Variants in ASIC2 observed in about 807,000 individuals in gnomAD.
ASIC2 encodes acid-sensing ion channel 2.
A neutral mutation model predicts 57.3 loss-of-function variants in ASIC2; 25 were observed. The observed-to-expected ratio is 0.44, with a 90% CI of 0.32 to 0.61. The LOEUF (loss-of-function observed/expected upper bound fraction) is 0.61. ASIC2 is among the 20% of genes least tolerant of loss of function. ASIC2 has a pLI of 0.06. For synonymous variants in ASIC2, 319 were observed against 307.5 expected (o/e 1.04, Z -0.39); for missense variants, 641 against 738.1 (o/e 0.87, Z 1.52).
At chr17:34,060,338 T>C (rs905824514) in intron 1 of ASIC2, among the ~76,000 whole-genome samples, 4 of 152,166 alleles carry the variant, frequency 2.6e-5, no homozygotes, top group African/African-American at 7.2e-5. Context: ...AAAAAGAATC[T>C]GAACAACAGC....
At chr17:34,001,934 A>T (rs73278423) in intron 1 of ASIC2, 1 of 152,166 alleles carries the variant, frequency 6.6e-6, no homozygotes, top group Non-Finnish European at 1.5e-5. Flanking sequence ...TTTTGTTGAC[A>T]TTACTTCTAT....
intron 1 of ASIC2, among the ~76,000 whole-genome samples, chr17:33,861,859 G>A (rs4795833): frequency 2.0e-5 from 3 of 152,038 alleles, no homozygotes; most frequent in South Asian, 2.1e-4. Flanking sequence ...GACAATTCCC[G>A]CTTACTCAGT....
chr17:34,038,552 A>G, intron 1 of ASIC2: 2 of 1,610,152 alleles, frequency 1.2e-6, no homozygotes, highest in East Asian at 4.5e-5. Flanking sequence ...ATGTAACAAC[A>G]AATATCTGTC....
At chr17:33,530,853 G>A (rs932808102) in intron 1 of ASIC2, among the ~76,000 whole-genome samples, 2 of 152,126 alleles carry the variant, frequency 1.3e-5, no homozygotes, top group Non-Finnish European at 2.9e-5. Flanking sequence ...TTAACAAAAG[G>A]TTTTCGAGTT....
rs12601053 is a variant in ASIC2, at chr17:33,632,733, G to C, written c.556-520666C>G. On this transcript the variant is annotated intron_variant, in intron 1 of 9. Transcript: ENST00000359872. The stretch of plus-strand genomic sequence containing the variant: ...AGATGTGAACCAGTGTACCTGGCCT[G>C]GTCCACCCTTTGAAACTCCCTCTGC... Among the ~76,000 whole-genome samples the C allele has an allele frequency of 9.5e-3, 1,439 of 152,176 alleles. 31 individuals are homozygous for C. The highest frequency in any genetic ancestry group is 0.075 in the East Asian group (386 of 5,164).
chr17:33,220,152 G>A (rs1907637369), intron 1 of ASIC2, among the ~76,000 whole-genome samples: 1 of 152,148 alleles, frequency 6.6e-6, no homozygotes, highest in African/African-American at 2.4e-5. Context: ...CTCTAGAATA[G>A]AGACCAGAGC....
chr17:33,707,583 T>C (rs1408125537), intron 1 of ASIC2, among the ~76,000 whole-genome samples: 1 of 152,232 alleles, frequency 6.6e-6, no homozygotes, highest in Non-Finnish European at 1.5e-5. Context: ...GTAATTCTTG[T>C]TTCATGGATT....
chr17:34,054,962 A>C (rs944051749), intron 1 of ASIC2, among the ~76,000 whole-genome samples: 1 of 152,232 alleles, frequency 6.6e-6, no homozygotes, highest in African/African-American at 2.4e-5. Flanking sequence ...CAATCATGTG[A>C]AGAATGGAAG....
intron 1 of ASIC2, among the ~76,000 whole-genome samples, chr17:33,303,387 C>T (rs1906039137): frequency 6.6e-6 from 1 of 152,192 alleles, no homozygotes; most frequent in South Asian, 2.1e-4. Flanking sequence ...AGAACTAAAA[C>T]TATACGAGCC....
At chr17:33,652,515 G>A (rs1906952217) in intron 1 of ASIC2, among the ~76,000 whole-genome samples, 1 of 152,220 alleles carries the variant, frequency 6.6e-6, no homozygotes, top group Non-Finnish European at 1.5e-5. Flanking sequence ...AAGTTGAGGT[G>A]CAGACTGTCC....
At chr17:33,610,872 G>A (rs956014371) in intron 1 of ASIC2, among the ~76,000 whole-genome samples, 1 of 152,130 alleles carries the variant, frequency 6.6e-6, no homozygotes, top group African/African-American at 2.4e-5. Flanking sequence ...TCCAGCCTGA[G>A]CAACAGAGCA....
intron 1 of ASIC2, among the ~76,000 whole-genome samples, chr17:33,451,258 G>C (rs559458563): frequency 2.6e-5 from 4 of 151,986 alleles, no homozygotes; most frequent in African/African-American, 9.7e-5. Flanking sequence ...TATTTTTCAT[G>C]TTGCCCAGGC....
chr17:33,771,433 C>A (rs899896345), intron 1 of ASIC2, among the ~76,000 whole-genome samples: 1 of 152,202 alleles, frequency 6.6e-6, no homozygotes, highest in Non-Finnish European at 1.5e-5. Flanking sequence ...GACTCTACAT[C>A]TACATAACAT....
chr17:34,148,414 A>G (rs980664493), intron 1 of ASIC2, among the ~76,000 whole-genome samples: 2 of 152,232 alleles, frequency 1.3e-5, no homozygotes, highest in African/African-American at 4.8e-5. Flanking sequence ...GACATTATGG[A>G]AAACTTGCTT....
intron 1 of ASIC2, among the ~76,000 whole-genome samples, chr17:33,818,580 G>A (rs60953916): frequency 1.3e-5 from 2 of 152,118 alleles, no homozygotes; most frequent in Non-Finnish European, 2.9e-5. Context: ...ACACTTTTTG[G>A]CTGTCACAAC....
chr17:33,975,383 C>T (rs927282896), intron 1 of ASIC2, among the ~76,000 whole-genome samples: 10 of 152,132 alleles, frequency 6.6e-5, no homozygotes, highest in African/African-American at 2.4e-4. Context: ...CCTCTCTCCC[C>T]CTTTCAACCC....
At chr17:33,797,425 C>G (rs898185675) in intron 1 of ASIC2, among the ~76,000 whole-genome samples, 4 of 152,090 alleles carry the variant, frequency 2.6e-5, no homozygotes, top group African/African-American at 9.7e-5. Flanking sequence ...TGCAGAATGG[C>G]TGGGGGAAAT....
At chr17:33,828,323 G>T (rs1242594071) in intron 1 of ASIC2, 1 of 152,112 alleles carries the variant, frequency 6.6e-6, no homozygotes, top group African/African-American at 2.4e-5. Flanking sequence ...TTCACTGAGG[G>T]TCCTCTAGGG....
intron 1 of ASIC2, among the ~76,000 whole-genome samples, chr17:33,146,247 T>C (rs1904558145): frequency 6.6e-6 from 1 of 152,180 alleles, no homozygotes; most frequent in Admixed American, 6.5e-5. Flanking sequence ...AATGAGCAAC[T>C]AAATGAATAC....
Sources: gnomAD v4.1 joint callset for allele counts (sites outside exome capture counted in the v4.1 genomes callset) on GRCh38, gnomAD v4.1.1 for gene constraint, MANE v1.5 for transcripts, NCBI Gene and HGNC (gene_info 2026-07-23, HGNC 2026-07-21) for gene names.